Variants in ITGB5 observed in about 807,000 individuals in gnomAD.
ITGB5 encodes integrin beta-5.
In ITGB5, 38 loss-of-function variants were observed where a neutral mutation model predicts 84.8. That is an observed-to-expected ratio of 0.45 (90% CI 0.35 to 0.59). The LOEUF (loss-of-function observed/expected upper bound fraction) is 0.59, where lower values mean the gene tolerates loss of function less well. Ranked by LOEUF, ITGB5 falls within the 20% of genes least tolerant of loss-of-function variation. The pLI, the probability that ITGB5 is intolerant of heterozygous loss-of-function variation, is 0.01. For missense variants in ITGB5, 905 were observed against 1,034.5 expected, an observed-to-expected ratio of 0.87 and a Z score of 1.72; for synonymous variants, 393 against 414.4, an observed-to-expected ratio of 0.95 and a Z score of 0.63.
chr3:124,764,302 TAGTG>T lies in ITGB5; in HGVS notation c.2304+85_2304+88del, dbSNP rs925833200. 248 of 1,351,796 alleles carry T rather than the reference TAGTG, an allele frequency of 1.8e-4. 1 individual carries two copies. The African/African-American group carries it at 3.1e-3, about 17-fold the overall frequency. 83.7% of individuals were successfully genotyped at this position (1,351,796 alleles called of 1,614,324 possible). A position where few individuals can be genotyped will look rare whatever the true frequency, so the allele number is the denominator to read the frequency against. On this transcript the variant is annotated intron_variant, in intron 14 of 14. Coordinates refer to ENST00000296181, the MANE Select transcript of ITGB5 (RefSeq NM_002213.5). ...CTTTTGTTTTTAATGCCAAAGACAT[TAGTG>T]AGCCTCTATTGCTAACATACCGCTG...
At chr3:124,874,582 T>C (rs1262137533) in intron 1 of ITGB5, among the ~76,000 whole-genome samples, 2 of 152,202 alleles carry the variant, frequency 1.3e-5, no homozygotes, top group African/African-American at 4.8e-5. Flanking sequence ...GATGGAGGCA[T>C]TGTGTTACCT....
chr3:124,863,751 T>G (rs1189507824), intron 2 of ITGB5, among the ~76,000 whole-genome samples: 7 of 152,152 alleles, frequency 4.6e-5, no homozygotes, highest in African/African-American at 7.2e-5. Flanking sequence ...ACTCCTGACC[T>G]CAGATGATCG....
chr3:124,787,334 C>A (rs1261370917), intron 10 of ITGB5: 2 of 152,114 alleles, frequency 1.3e-5, no homozygotes, highest in African/African-American at 4.8e-5. Context: ...ATTTACTGAG[C>A]TAAGCTCAGA....
intron 1 of ITGB5, among the ~76,000 whole-genome samples, chr3:124,896,746 T>TTA (rs547608481): frequency 6.4e-5 from 8 of 124,570 alleles, no homozygotes; most frequent in South Asian, 2.9e-4. Context: ...GACCTTGTCT[T>TTA]AAAAAAAAAA....
At chr3:124,888,739 G>A (rs547435800), upstream of ITGB5, among the ~76,000 whole-genome samples, 44 of 152,168 alleles carry the variant, frequency 2.9e-4, no homozygotes, top group Non-Finnish European at 5.6e-4. Context: ...AAGCAGTAAG[G>A]GGGAAAGAAC....
At chr3:124,793,357 TA>T (rs961095347) in intron 10 of ITGB5, among the ~76,000 whole-genome samples, 7 of 152,198 alleles carry the variant, frequency 4.6e-5, no homozygotes, top group Admixed American at 1.3e-4. Context: ...AATATCTCTT[TA>T]AAAGAAAAAC....
chr3:124,865,482 T>TTTTTC (rs2065374178), intron 2 of ITGB5, among the ~76,000 whole-genome samples: 4 of 24,878 alleles, frequency 1.6e-4, no homozygotes, highest in Admixed American at 9.4e-4. Context: ...GGCTTTTTTC[T>TTTTTC]TTTTTTTTTT....
intron 3 of ITGB5, among the ~76,000 whole-genome samples, chr3:124,854,979 G>A (rs10934693): frequency 6.6e-6 from 1 of 151,894 alleles, no homozygotes; most frequent in Admixed American, 6.5e-5. Context: ...TGAGGCATGG[G>A]GGGTAGGGCA....
intron 13 of ITGB5, among the ~76,000 whole-genome samples, chr3:124,764,814 T>G (rs938275817): frequency 1.3e-5 from 2 of 152,234 alleles, no homozygotes; most frequent in Non-Finnish European, 2.9e-5. Context: ...TTTCCCCTCA[T>G]GGGCAGCACC....
intron 9 of ITGB5, among the ~76,000 whole-genome samples, chr3:124,798,802 C>G (rs2064272889): frequency 6.6e-6 from 1 of 152,188 alleles, no homozygotes; most frequent in Non-Finnish European, 1.5e-5. Flanking sequence ...GAGATTTTTA[C>G]TGGTTCTAAA....
At chr3:124,781,185 C>T (rs528135850) in intron 10 of ITGB5, 9 of 152,128 alleles carry the variant, frequency 5.9e-5, no homozygotes, top group Admixed American at 5.9e-4. Context: ...CTCTGGAGCA[C>T]CAGAGCCAGA....
chr3:124,771,748 C>CAAAAAAAAAAAAAAAAA (rs59189728), intron 11 of ITGB5, among the ~76,000 whole-genome samples: 1 of 69,182 alleles, frequency 1.4e-5, no homozygotes, highest in African/African-American at 5.3e-5. Context: ...GACCCTGTCT[C>CAAAAAAAAAAAAAAAAA]AAAAAAAAAA....
At chr3:124,847,339 C>A (rs1234897730) in intron 4 of ITGB5, among the ~76,000 whole-genome samples, 1 of 152,184 alleles carries the variant, frequency 6.6e-6, no homozygotes, top group Non-Finnish European at 1.5e-5. Flanking sequence ...AGAAAAGAAA[C>A]CAACCTAGTA....
intron 9 of ITGB5, among the ~76,000 whole-genome samples, chr3:124,802,033 T>C (rs936054812): frequency 6.6e-6 from 1 of 152,226 alleles, no homozygotes; most frequent in Non-Finnish European, 1.5e-5. Flanking sequence ...GAGCCTCAGC[T>C]CCAACAGCTC....
At chr3:124,824,941 G>T (rs1045863575) in intron 5 of ITGB5, among the ~76,000 whole-genome samples, 5 of 152,216 alleles carry the variant, frequency 3.3e-5, no homozygotes, top group Admixed American at 2.6e-4. Flanking sequence ...GCTCATGCCT[G>T]TAATCCCAGC....
chr3:124,813,414 C>T (rs1299560186), intron 8 of ITGB5, among the ~76,000 whole-genome samples: 1 of 152,180 alleles, frequency 6.6e-6, no homozygotes, highest in Non-Finnish European at 1.5e-5. Flanking sequence ...GACATAGTGT[C>T]AGGTCCCACA....
intron 10 of ITGB5, among the ~76,000 whole-genome samples, chr3:124,776,646 T>A (rs563794944): frequency 6.6e-6 from 1 of 152,226 alleles, no homozygotes; most frequent in South Asian, 2.1e-4. Flanking sequence ...GTAGACTTAA[T>A]ACGGCTCTGG....
In ITGB5 at chr3:124,899,308, G is replaced by A. The variant is rs190214952; in HGVS notation, c.-255+1958C>T. 7.8e-3 allele frequency among the ~76,000 whole-genome samples: 1,188 copies of A among 152,154 alleles called. 6 individuals carry two copies. Among genetic ancestry groups the A allele is most frequent in the Non-Finnish European group, 0.013 (891 of 67,994 alleles). On this transcript the variant is annotated intron_variant, in intron 1 of 4. Transcript: ENST00000608657. The stretch of plus-strand genomic sequence containing the variant: ...TGTTGAGGGCTTTTTACATAGCAAA[G>A]AAATAAAACAGAGGATTTTCCCTCA...
At chr3:124,869,579 TG>T (rs1559979316) in intron 2 of ITGB5, among the ~76,000 whole-genome samples, 1 of 152,064 alleles carries the variant, frequency 6.6e-6, no homozygotes, top group African/African-American at 2.4e-5. Context: ...CTGCCTCAAA[TG>T]AATAAATAAA....
Sources: allele counts gnomAD v4.1 joint callset (sites outside exome capture counted in the v4.1 genomes callset), GRCh38; gene constraint gnomAD v4.1.1; transcripts MANE v1.5; gene names NCBI Gene and HGNC (gene_info 2026-07-23, HGNC 2026-07-21).